IMPA2: variants seen among roughly 807,000 people sequenced by gnomAD.
IMPA2 encodes inositol monophosphatase 2.
IMPA2 carries 32 observed loss-of-function variants against 35.1 expected under a neutral mutation model. The observed-to-expected ratio is 0.91, with a 90% CI of 0.69 to 1.23. The LOEUF is 1.23. IMPA2 is among the 50% of genes most tolerant of loss of function. The probability of loss-of-function intolerance (pLI) is 0.00; values close to 1 mark genes in which losing one functional copy is unlikely to be tolerated. For synonymous variants in IMPA2, 135 were observed against 160.6 expected (o/e 0.84, Z 1.20); for missense variants, 334 against 387.6 (o/e 0.86, Z 1.16).
intron 4 of IMPA2, among the ~76,000 whole-genome samples, 193 bp from the exon 5 acceptor site, chr18:12,014,072 G>A (rs1480382411): frequency 6.6e-6 from 1 of 152,128 alleles, no homozygotes; most frequent in Non-Finnish European, 1.5e-5. Context: ...AAGCAAGCTT[G>A]CTTTTATGTC....
intron 1 of IMPA2, among the ~76,000 whole-genome samples, chr18:11,992,367 T>C (rs1036309052): frequency 6.6e-6 from 1 of 152,244 alleles, no homozygotes; most frequent in African/African-American, 2.4e-5. Context: ...GGCGTGCTGC[T>C]CTGTGGATGA....
intron 5 of IMPA2, among the ~76,000 whole-genome samples, chr18:12,025,203 C>T (rs1907847538): frequency 1.3e-5 from 2 of 152,150 alleles, no homozygotes; most frequent in South Asian, 4.1e-4. Context: ...TCTTGTCATG[C>T]TTTCTCATTT....
chr18:12,028,761 G>T (rs185886782), intron 6 of IMPA2, 81 bp from the exon 7 acceptor site: 53 of 1,476,142 alleles, frequency 3.6e-5, no homozygotes, highest in Non-Finnish European at 4.8e-5. Flanking sequence ...GCCCAGCCGG[G>T]GTACCTGGCT....
chr18:12,006,223 G>T (rs1024824997), intron 2 of IMPA2, among the ~76,000 whole-genome samples: 1 of 152,198 alleles, frequency 6.6e-6, no homozygotes, highest in Non-Finnish European at 1.5e-5. Flanking sequence ...GGCTGCTGTT[G>T]TCAGGAGGCA....
At chr18:12,022,630 T>C (rs923212481) in intron 5 of IMPA2, among the ~76,000 whole-genome samples, 5 of 149,614 alleles carry the variant, frequency 3.3e-5, no homozygotes, top group African/African-American at 1.2e-4. Context: ...ACAAAAATCA[T>C]AGTAATTGTG....
At chr18:12,007,404 T>G (rs1232362701) in intron 2 of IMPA2, among the ~76,000 whole-genome samples, 3 of 152,144 alleles carry the variant, frequency 2.0e-5, no homozygotes, top group African/African-American at 7.2e-5. Context: ...AGGTTTTCAT[T>G]TCAGTCTTTC....
chr18:12,008,848 A>G (rs3786285), intron 2 of IMPA2, among the ~76,000 whole-genome samples: 56,686 of 152,042 alleles, frequency 0.37, 12,954 homozygotes, highest in African/African-American at 0.62. Flanking sequence ...CGCACACTCA[A>G]GTGAGGATTG....
At position 11,981,744 on chromosome 18, in the gene IMPA2, G is replaced by C. The variant is rs1333468915; in HGVS notation, c.75G>C (p.Gln25His). Reference protein sequence around the residue: ...PWEECFQAAVQLALRAGQIIR... With the variant: ...PWEECFQAAVHLALRAGQIIR... ...AGGAGTGCTTCCAGGCGGCCGTGCAGCTGGCGCTGCGGGCAGGACAGGTGA... is the reference window on the plus strand; with the variant it reads ...AGGAGTGCTTCCAGGCGGCCGTGCACCTGGCGCTGCGGGCAGGACAGGTGA... Residue 25 changes from glutamine to histidine, a missense_variant, in exon 1 of 8, where the codon CAG becomes CAC. Coordinates refer to ENST00000269159, the MANE Select transcript of IMPA2 (RefSeq NM_014214.3). 3 of 1,228,982 alleles carry C rather than the reference G, an allele frequency of 2.4e-6. No homozygotes were observed. Among genetic ancestry groups the C allele is most frequent in the Non-Finnish European group, 2.0e-6 (2 of 986,096 alleles). The allele number at this position is 1,228,982 out of a possible 1,614,324, so 76.1% of individuals were successfully genotyped here.
chr18:12,004,795 G>T (rs1359909375), intron 2 of IMPA2, among the ~76,000 whole-genome samples: 11 of 152,110 alleles, frequency 7.2e-5, no homozygotes, highest in Non-Finnish European at 1.5e-5. Context: ...AAAGTGCTGG[G>T]ATTACAGGCG....
intron 1 of IMPA2, among the ~76,000 whole-genome samples, chr18:11,990,540 C>G (rs666521): frequency 0.38 from 57,544 of 151,820 alleles, 12,264 homozygotes; most frequent in East Asian, 0.61. Flanking sequence ...GACTTGGGGG[C>G]CCCGTGTGGA....
chr18:12,009,763 G>T (rs544744991), intron 2 of IMPA2, 120 bp from the exon 3 acceptor site: 2 of 754,396 alleles, frequency 2.7e-6, no homozygotes, highest in South Asian at 3.2e-5. Flanking sequence ...TTGACCCAGA[G>T]AAACCATGAT....
intron 2 of IMPA2, among the ~76,000 whole-genome samples, chr18:12,004,082 T>C (rs1197120743): frequency 6.6e-6 from 1 of 152,180 alleles, no homozygotes; most frequent in African/African-American, 2.4e-5. Flanking sequence ...AAGCAAAACA[T>C]CAAACAGAAT....
chr18:11,998,256 C>T (rs1028766005), intron 1 of IMPA2, among the ~76,000 whole-genome samples: 1 of 152,230 alleles, frequency 6.6e-6, no homozygotes, highest in African/African-American at 2.4e-5. Flanking sequence ...TGTCCAGGGA[C>T]TGATTAGCCA....
intron 2 of IMPA2, among the ~76,000 whole-genome samples, chr18:12,003,189 C>A (rs934995335): frequency 6.6e-6 from 1 of 151,922 alleles, no homozygotes; most frequent in African/African-American, 2.4e-5. Context: ...GAGCAAAACT[C>A]TGTCTCAAAA....
At chr18:12,011,397 G>T (rs1907429938) in intron 3 of IMPA2, among the ~76,000 whole-genome samples, 1 of 152,248 alleles carries the variant, frequency 6.6e-6, no homozygotes, top group Non-Finnish European at 1.5e-5. Context: ...GTGGGAGAAA[G>T]CTCTCCTGGG....
intron 2 of IMPA2, among the ~76,000 whole-genome samples, chr18:12,007,706 C>T (rs1907315232): frequency 7.5e-6 from 1 of 133,814 alleles, no homozygotes; most frequent in South Asian, 2.4e-4. Flanking sequence ...TCCTTTCTTC[C>T]CTCCTTCCCT....
chr18:12,012,250 C>G, intron 4 of IMPA2, 35 bp downstream of exon 4: 3 of 1,585,318 alleles, frequency 1.9e-6, no homozygotes, highest in Non-Finnish European at 2.6e-6. Flanking sequence ...GGGCCCCTCC[C>G]TGGGCTCCCT....
chr18:12,014,487 C>G (rs1403452281), intron 5 of IMPA2, 114 bp downstream of exon 5: 2 of 616,418 alleles, frequency 3.2e-6, no homozygotes, highest in East Asian at 2.9e-5. Flanking sequence ...ATGGTGTCAT[C>G]TCTTTTTAGG....
chr18:12,000,334 CTTTTTTTTT>C (rs533943091), intron 2 of IMPA2, among the ~76,000 whole-genome samples: 2 of 111,266 alleles, frequency 1.8e-5, no homozygotes, highest in East Asian at 2.7e-4. Context: ...CCACCTGGCT[CTTTTTTTTT>C]TTTTTTTTTT....
Sources: allele counts gnomAD v4.1 joint callset (sites outside exome capture counted in the v4.1 genomes callset), GRCh38; gene constraint gnomAD v4.1.1; transcripts MANE v1.5; gene names NCBI Gene and HGNC (gene_info 2026-07-23, HGNC 2026-07-21).